RBM10: variants seen among roughly 807,000 people sequenced by gnomAD.
RBM10 encodes RNA binding motif protein 10.
A neutral mutation model predicts 84.9 loss-of-function variants in RBM10; 1 was observed. The observed-to-expected ratio is 0.01, with a 90% CI of 0.00 to 0.06. The LOEUF (loss-of-function observed/expected upper bound fraction) is 0.06, where lower values mean the gene tolerates loss of function less well. RBM10 is among the 10% of genes least tolerant of loss of function. RBM10 has a pLI of 1.00. For synonymous variants in RBM10, 326 were observed against 344.5 expected (o/e 0.95, Z 0.60); for missense variants, 438 against 839.0 (o/e 0.52, Z 5.90).
At chrX:47,155,146 CAAA>C (rs782034292) in intron 2 of RBM10, among the ~76,000 whole-genome samples, 1 of 27,352 alleles carries the variant, frequency 3.7e-5, no homozygotes, top group African/African-American at 1.4e-4. Flanking sequence ...GACTCCCTCT[CAAA>C]AAAAAAAAAA....
intron 21 of RBM10, 64 bp downstream of exon 21, chrX:47,185,854 G>A (rs2147221296): frequency 4.3e-5 from 51 of 1,193,167 alleles, no homozygotes; most frequent in Non-Finnish European, 5.8e-5. Context: ...ATCACCTCAG[G>A]CAGCTGGAGT....
rs1440232417 is a variant in RBM10 at position 47,149,980 on chromosome X, C to G, written c.17+2482C>G. Among the ~76,000 whole-genome samples, 7 of 108,613 alleles carry G rather than the reference C, an allele frequency of 6.4e-5. No individual in the cohort carries two copies. The Admixed American group carries it at 6.9e-4, about 11-fold the overall frequency. 94.3% of individuals were successfully genotyped at this position (108,613 alleles called of 115,157 possible). ...GGATTACAGGCATGCGCCACCACGCCCAGCTAATTTTTTGTATTTTTAGTA... is the reference window on the plus strand; with the variant it reads ...GGATTACAGGCATGCGCCACCACGCGCAGCTAATTTTTTGTATTTTTAGTA... On this transcript the variant is annotated intron_variant, in intron 2 of 23. Transcript: ENST00000377604.
intron 2 of RBM10, among the ~76,000 whole-genome samples, chrX:47,167,244 A>G (rs1556769544): frequency 9.0e-6 from 1 of 110,659 alleles, no homozygotes; most frequent in African/African-American, 3.3e-5. Flanking sequence ...TCTCCAAGCA[A>G]AAGTATTTTA....
chrX:47,178,039 A>G (rs1935263547), intron 7 of RBM10, among the ~76,000 whole-genome samples: 4 of 110,898 alleles, frequency 3.6e-5, no homozygotes, highest in Admixed American at 2.9e-4. Context: ...GCTCATGCCA[A>G]TCGTCACGCT....
chrX:47,153,615 A>G (rs1288497650), intron 2 of RBM10, among the ~76,000 whole-genome samples: 1 of 112,236 alleles, frequency 8.9e-6, no homozygotes, highest in Non-Finnish European at 1.9e-5. Flanking sequence ...CATCTAGGAT[A>G]TCTACACCTG....
At chrX:47,164,703 A>C (rs1003671936) in intron 2 of RBM10, among the ~76,000 whole-genome samples, 1 of 111,579 alleles carries the variant, frequency 9.0e-6, no homozygotes, top group Non-Finnish European at 1.9e-5. Context: ...TGTGGAAAAC[A>C]GTTTGGCGGT....
chrX:47,150,750 A>G (rs1208399464), intron 2 of RBM10, among the ~76,000 whole-genome samples: 1 of 111,828 alleles, frequency 8.9e-6, no homozygotes, highest in African/African-American at 3.2e-5. Context: ...TTATGGCTTT[A>G]TAGAATGTCT....
intron 2 of RBM10, among the ~76,000 whole-genome samples, chrX:47,168,968 G>A (rs782700189): frequency 2.7e-5 from 3 of 111,091 alleles, no homozygotes; most frequent in Admixed American, 9.6e-5. Flanking sequence ...GATGGAGAGA[G>A]GCAGGTTGCA....
chrX:47,148,025 G>A (rs1014630568), intron 2 of RBM10, among the ~76,000 whole-genome samples: 2 of 111,709 alleles, frequency 1.8e-5, no homozygotes, highest in African/African-American at 6.5e-5. Flanking sequence ...GTGATCCCTC[G>A]CCATCCAGGT....
At position 47,145,365 on chromosome X, in the gene RBM10, C is replaced by T. The variant is rs994908519; in HGVS notation, c.-246C>T. 3.4e-5 allele frequency: 35 copies of T among 1,023,546 alleles called. 1 individual carries two copies. The highest frequency in any genetic ancestry group is 2.0e-5 in the South Asian group (1 of 49,839). 84.4% of individuals were successfully genotyped at this position (1,023,546 alleles called of 1,213,427 possible). On this transcript the variant is annotated 5_prime_UTR_variant, in exon 1 of 24. Transcript: ENST00000377604. ...CGCTTCTCCCCTCCCCCCGATCTGCCTCCAGTCTCGGACTTGGTTGTTGCG... is the reference window on the plus strand; with the variant it reads ...CGCTTCTCCCCTCCCCCCGATCTGCTTCCAGTCTCGGACTTGGTTGTTGCG...
chrX:47,166,128 C>A (rs1463911407), intron 2 of RBM10, among the ~76,000 whole-genome samples: 1 of 111,351 alleles, frequency 9.0e-6, no homozygotes. Context: ...TATTTTAGGC[C>A]ATGTGCAGTG....
In RBM10 at chrX:47,145,379, T is replaced by G; in HGVS notation, c.-232T>G. ...CCCCGATCTGCCTCCAGTCTCGGAC[T>G]TGGTTGTTGCGCGCTCCGGCTCCGG... On this transcript the variant is annotated 5_prime_UTR_variant, in exon 1 of 24. Coordinates refer to ENST00000377604, the MANE Select transcript of RBM10 (RefSeq NM_005676.5). 2 of 1,067,771 alleles carry G rather than the reference T, an allele frequency of 1.9e-6. No individual in the cohort carries two copies. Among genetic ancestry groups the G allele is most frequent in the South Asian group, 3.9e-5 (2 of 50,777 alleles). The allele number at this position is 1,067,771 out of a possible 1,213,427, so 88.0% of individuals were successfully genotyped here.
chrX:47,176,804 A>G (rs782249266), intron 7 of RBM10, among the ~76,000 whole-genome samples: 1 of 108,750 alleles, frequency 9.2e-6, no homozygotes, highest in Admixed American at 9.9e-5. Context: ...GCCATATACA[A>G]ATGTGTAGTG....
At position 47,145,262 on chromosome X, in the gene RBM10, G is replaced by A. The variant is rs1382272701; in HGVS notation, c.-349G>A. ...TCGGAGCGCCGACTCCCTTCTCGTC[G>A]TCGCCATTTTGAGCTGGTGACTGTG... On this transcript the variant is annotated 5_prime_UTR_variant, in exon 1 of 24. Transcript: ENST00000377604. The A allele has an allele frequency of 4.0e-6, 2 of 498,892 alleles. No homozygotes were observed. Among genetic ancestry groups the A allele is most frequent in the Non-Finnish European group, 7.0e-6 (2 of 286,777 alleles). The allele number at this position is 498,892 out of a possible 1,213,427, so 41.1% of individuals were successfully genotyped here. A position where few individuals can be genotyped will look rare whatever the true frequency, so the allele number is the denominator to read the frequency against.
At position 47,145,261 on chromosome X, in the gene RBM10, C is replaced by G. The variant is rs782395870; in HGVS notation, c.-350C>G. On this transcript the variant is annotated 5_prime_UTR_variant, in exon 1 of 24. Transcript: ENST00000377604. ...GTCGGAGCGCCGACTCCCTTCTCGT[C>G]GTCGCCATTTTGAGCTGGTGACTGT... 1 of 497,601 alleles carries G rather than the reference C, an allele frequency of 2.0e-6. No individual in the cohort carries two copies. Among genetic ancestry groups the G allele is most frequent in the African/African-American group, 2.3e-5 (1 of 43,080 alleles). The allele number at this position is 497,601 out of a possible 1,213,427, so 41.0% of individuals were successfully genotyped here.
chrX:47,161,513 G>GTTT (rs781863849), intron 2 of RBM10, among the ~76,000 whole-genome samples: 2 of 55,081 alleles, frequency 3.6e-5, no homozygotes, highest in Non-Finnish European at 6.6e-5. Flanking sequence ...CAACTCATTA[G>GTTT]TTTTTTTTTT....
intron 2 of RBM10, chrX:47,157,190 C>T (rs1556765442): frequency 1.9e-5 from 5 of 268,146 alleles, no homozygotes; most frequent in African/African-American, 1.4e-4. Flanking sequence ...CTTTGACACA[C>T]TGTGGCTATT....
At chrX:47,176,974 T>G (rs1327995016) in intron 7 of RBM10, among the ~76,000 whole-genome samples, 1 of 111,600 alleles carries the variant, frequency 9.0e-6, no homozygotes, top group Non-Finnish European at 1.9e-5. Flanking sequence ...CTGGCTGAAA[T>G]GAGACTATCC....
intron 2 of RBM10, among the ~76,000 whole-genome samples, chrX:47,147,766 T>C (rs891345528): frequency 7.3e-5 from 8 of 109,041 alleles, no homozygotes; most frequent in African/African-American, 2.7e-4. Context: ...GGGTGGGAGG[T>C]TGAGGTTGGG....
Sources: allele counts gnomAD v4.1 joint callset (sites outside exome capture counted in the v4.1 genomes callset), GRCh38; gene constraint gnomAD v4.1.1; transcripts MANE v1.5; gene names NCBI Gene and HGNC (gene_info 2026-07-23, HGNC 2026-07-21).